ZGRF1: variants seen among roughly 807,000 people sequenced by gnomAD.
The protein encoded by ZGRF1 is 5'-3' DNA helicase ZGRF1.
Under a neutral mutation model 203.5 loss-of-function variants are expected in ZGRF1, and 196 were observed. The observed-to-expected ratio is 0.96, with a 90% CI of 0.86 to 1.08. The LOEUF is 1.08. ZGRF1 is among the 50% of genes least tolerant of loss of function. ZGRF1 has a pLI of 0.00. For missense variants in ZGRF1, 2,326 were observed against 2,416.3 expected, an observed-to-expected ratio of 0.96 and a Z score of 0.78; for synonymous variants, 809 against 841.3, an observed-to-expected ratio of 0.96 and a Z score of 0.66.
chr4:112,584,689 A>G (rs1442579777), intron 14 of ZGRF1, among the ~76,000 whole-genome samples: 1 of 152,224 alleles, frequency 6.6e-6, no homozygotes, highest in African/African-American at 2.4e-5. Context: ...TTTAGTGGCT[A>G]TATTTTAGTC....
intron 2 of ZGRF1, 111 bp downstream of exon 2, chr4:112,633,045 G>C (rs1466188841): frequency 1.0e-6 from 1 of 955,544 alleles, no homozygotes; most frequent in Non-Finnish European, 1.7e-6. Context: ...CCTGTTTTTT[G>C]TTTTGTTTTT....
At position 112,589,747 on chromosome 4, in the gene ZGRF1, T is replaced by C. The variant is rs1185002962; in HGVS notation, c.3104A>G (p.Asp1035Gly). ...TSLKARTLPD[D>G]LHFLNLEGMK... ...ACCCTCCAAGTTGAGAAAATGAAGA[T>C]CATCAGGTAAAGTTCTTGCTTTCAG... The change falls in exon 11 of 28, where the codon GAT becomes GGT. Residue 1035 changes from aspartate (D) to glycine (G), a missense_variant. Asp to Gly is a moderately conservative substitution (Grantham distance 94). Transcript: ENST00000505019. 28 of 1,613,878 alleles carry C rather than the reference T, an allele frequency of 1.7e-5. No homozygotes were observed. Among genetic ancestry groups the C allele is most frequent in the Non-Finnish European group, 2.4e-5 (28 of 1,179,848 alleles).
chr4:112,556,346 G>A (rs552549411), intron 20 of ZGRF1, among the ~76,000 whole-genome samples: 1 of 152,090 alleles, frequency 6.6e-6, no homozygotes, highest in South Asian at 2.1e-4. Context: ...CTTAATGTAT[G>A]GTATAAGAAA....
chr4:112,575,491 G>A (rs1049638076), intron 16 of ZGRF1, among the ~76,000 whole-genome samples: 2 of 152,140 alleles, frequency 1.3e-5, no homozygotes, highest in African/African-American at 2.4e-5. Context: ...CGCCTCACCC[G>A]GGAAGTGCAA....
At chr4:112,606,186 T>G in intron 8 of ZGRF1, 95 bp from the exon 9 acceptor site, 1 of 811,094 alleles carries the variant, frequency 1.2e-6, no homozygotes, top group Non-Finnish European at 2.0e-6. Flanking sequence ...AACTTAAGTT[T>G]GCCCTGTGAA....
intron 7 of ZGRF1, among the ~76,000 whole-genome samples, chr4:112,611,616 C>A (rs1397175466): frequency 6.6e-6 from 1 of 152,146 alleles, no homozygotes; most frequent in African/African-American, 2.4e-5. Context: ...TTTTATATAA[C>A]TACCATGGTT....
At position 112,619,445 on chromosome 4, in the gene ZGRF1, G is replaced by A; in HGVS notation, c.597C>T (p.Ser199=). The A allele has an allele frequency of 6.2e-7, 1 of 1,612,276 alleles. No homozygotes were observed. The highest frequency in any genetic ancestry group is 1.7e-5 in the Admixed American group (1 of 59,734). Residue 199 remains serine (S), a synonymous_variant, in exon 6 of 28, where the codon TCC becomes TCT. Coordinates refer to ENST00000505019, the MANE Select transcript of ZGRF1 (RefSeq NM_018392.5). ...AMDFSSVFSP[S]FQINPEVLCE... is the part of the protein sequence containing the mutation. ...ACAGCACTTCTGGGTTAATCTGGAA[G>A]GATGGAGAAAAAACCGAAGAAAAAT...
chr4:112,607,388 C>T (rs971398652), intron 8 of ZGRF1, among the ~76,000 whole-genome samples: 8 of 152,236 alleles, frequency 5.3e-5, no homozygotes, highest in African/African-American at 1.9e-4. Context: ...CCTGTCTTGG[C>T]TTCCCAAAGT....
At chr4:112,597,379 C>G (rs1371846683) in intron 10 of ZGRF1, among the ~76,000 whole-genome samples, 1 of 151,524 alleles carries the variant, frequency 6.6e-6, no homozygotes, top group Admixed American at 6.6e-5. Context: ...TAAAAATTAG[C>G]CAGGTGTGGT....
At position 112,587,362 on chromosome 4, in the gene ZGRF1, A is replaced by T. The variant is rs777470144; in HGVS notation, c.3695T>A (p.Leu1232Ter). 23 of 1,613,718 alleles carry T rather than the reference A, an allele frequency of 1.4e-5. No individual in the cohort carries two copies. In the South Asian group the frequency reaches 2.5e-4, roughly 18 times the overall value. ...VSRKKVLSLNLKQTSKTEEIK... is the reference protein window; with the variant it reads ...VSRKKVLSLN ...TTCCTCTGTCTTAGAAGTCTGCTTTAAATTCAGAGAAAGTACTTTCTTTCT... is the reference window on the plus strand; with the variant it reads ...TTCCTCTGTCTTAGAAGTCTGCTTTTAATTCAGAGAAAGTACTTTCTTTCT... The change falls in exon 12 of 28, where the codon TTA (leucine) becomes TAA (stop). Residue 1232 changes from leucine to a stop codon, truncating the protein, a stop_gained. Transcript: ENST00000505019. LOFTEE classifies it high-confidence loss of function.
At chr4:112,571,798 T>C (rs573397316) in intron 16 of ZGRF1, among the ~76,000 whole-genome samples, 5 of 152,270 alleles carry the variant, frequency 3.3e-5, no homozygotes, top group African/African-American at 9.6e-5. Context: ...AAAATATATA[T>C]GAAAGAGTAA....
At position 112,587,781 on chromosome 4, in the gene ZGRF1, G is replaced by A. The variant is rs772634267; in HGVS notation, c.3276C>T (p.Tyr1092=). Residue 1092 remains tyrosine, a synonymous_variant, in exon 12 of 28, where the codon TAC becomes TAT. Transcript: ENST00000505019. ...SHSYMINSNT[Y]ESSGSPMLNL... is the part of the protein sequence containing the mutation. ...TGAGCATGGGGGAGCCAGAAGACTC[G>A]TATGTGTTAGAGTTGATCATATACG... The A allele has an allele frequency of 1.1e-5, 17 of 1,553,044 alleles. No homozygotes were observed. The highest frequency in any genetic ancestry group is 1.2e-5 in the Non-Finnish European group (14 of 1,147,588).
intron 10 of ZGRF1, among the ~76,000 whole-genome samples, chr4:112,602,331 A>C (rs1381188221): frequency 6.6e-6 from 1 of 152,244 alleles, no homozygotes; most frequent in Non-Finnish European, 1.5e-5. Flanking sequence ...CTACAACTGA[A>C]GTACCAATAT....
intron 13 of ZGRF1, among the ~76,000 whole-genome samples, chr4:112,586,113 C>T (rs868538412): frequency 4.0e-5 from 6 of 151,748 alleles, no homozygotes; most frequent in Non-Finnish European, 8.8e-5. Context: ...TGGTGGTGTG[C>T]ACCTGTGGTT....
At chr4:112,553,256 C>G (rs1740292517) in intron 22 of ZGRF1, among the ~76,000 whole-genome samples, 1 of 152,208 alleles carries the variant, frequency 6.6e-6, no homozygotes, top group Non-Finnish European at 1.5e-5. Context: ...TCTCTTCCAA[C>G]AGCTGATGCC....
intron 10 of ZGRF1, among the ~76,000 whole-genome samples, chr4:112,592,249 C>T (rs1327503924): frequency 6.6e-6 from 1 of 151,960 alleles, no homozygotes; most frequent in African/African-American, 2.4e-5. Context: ...AGGCGTGTGC[C>T]ACCACCCCAG....
intron 11 of ZGRF1, among the ~76,000 whole-genome samples, chr4:112,588,238 TAAC>T (rs1168326611): frequency 5.9e-5 from 9 of 152,006 alleles, no homozygotes; most frequent in African/African-American, 1.9e-4. Flanking sequence ...ACTTTAAAGC[TAAC>T]AACAACAACA....
At chr4:112,563,929 T>C (rs1204901706) in intron 16 of ZGRF1, among the ~76,000 whole-genome samples, 1 of 152,174 alleles carries the variant, frequency 6.6e-6, no homozygotes, top group Non-Finnish European at 1.5e-5. Flanking sequence ...GATTAAGTTA[T>C]GCAGCGCCCA....
At chr4:112,616,785 C>T (rs979284787) in intron 6 of ZGRF1, among the ~76,000 whole-genome samples, 2 of 151,034 alleles carry the variant, frequency 1.3e-5, no homozygotes, top group African/African-American at 4.9e-5. Context: ...TGCAGTGAGC[C>T]GAGATCGCGC....
Sources: gnomAD v4.1 joint callset for allele counts (sites outside exome capture counted in the v4.1 genomes callset) on GRCh38, gnomAD v4.1.1 for gene constraint, MANE v1.5 for transcripts, NCBI Gene and HGNC (gene_info 2026-07-23, HGNC 2026-07-21) for gene names.